The following NRXN3 variants were observed in gnomAD, a reference collection of about 807,000 sequenced individuals.
NRXN3 encodes the protein neurexin 3.
NRXN3 carries 32 observed loss-of-function variants against 137.6 expected under a neutral mutation model. The observed-to-expected ratio is 0.23, with a 90% CI of 0.18 to 0.31. The LOEUF (loss-of-function observed/expected upper bound fraction) is 0.31. NRXN3 is among the 10% of genes least tolerant of loss of function. NRXN3 has a pLI of 1.00. For synonymous variants in NRXN3, 798 were observed against 784.5 expected (o/e 1.02, Z -0.29); for missense variants, 1,574 against 2,062.5 (o/e 0.76, Z 4.59).
At chr14:78,831,553 A>C (rs2098982259) in intron 10 of NRXN3, among the ~76,000 whole-genome samples, 1 of 151,018 alleles carries the variant, frequency 6.6e-6, no homozygotes, top group Non-Finnish European at 1.5e-5. Context: ...AAAAAAAAAA[A>C]AAAAAAAACA....
At chr14:78,646,860 A>G (rs556898865) in intron 5 of NRXN3, among the ~76,000 whole-genome samples, 1 of 152,356 alleles carries the variant, frequency 6.6e-6, no homozygotes, top group South Asian at 2.1e-4. Flanking sequence ...CTCAACTGTC[A>G]AGAGAACCCA....
intron 15 of NRXN3, among the ~76,000 whole-genome samples, chr14:79,089,782 T>G (rs1184649303): frequency 3.3e-5 from 5 of 152,134 alleles, no homozygotes; most frequent in African/African-American, 1.2e-4. Context: ...TTCTGCACAT[T>G]TTTGGCATCA....
chr14:78,688,178 T>G (rs1336543761), intron 6 of NRXN3, among the ~76,000 whole-genome samples: 2 of 152,174 alleles, frequency 1.3e-5, no homozygotes, highest in Non-Finnish European at 2.9e-5. Context: ...GACTTATAGG[T>G]ACCTGTTGAG....
chr14:78,628,543 A>G (rs189739537), intron 4 of NRXN3, among the ~76,000 whole-genome samples: 1 of 152,340 alleles, frequency 6.6e-6, no homozygotes, highest in East Asian at 1.9e-4. Context: ...GAATAAAATT[A>G]TTGAGTGAGT....
At chr14:79,732,850 A>C (rs926870967) in intron 19 of NRXN3, among the ~76,000 whole-genome samples, 1 of 152,184 alleles carries the variant, frequency 6.6e-6, no homozygotes, top group Non-Finnish European at 1.5e-5. Flanking sequence ...GTTTGAACCC[A>C]TATACTCTTA....
intron 4 of NRXN3, among the ~76,000 whole-genome samples, chr14:78,386,196 A>T (rs2089959933): frequency 6.6e-6 from 1 of 152,084 alleles, no homozygotes; most frequent in Admixed American, 6.5e-5. Context: ...ATTATATTTG[A>T]TTTTCAGAGT....
intron 10 of NRXN3, among the ~76,000 whole-genome samples, chr14:78,915,086 A>C (rs927848368): frequency 2.6e-5 from 4 of 152,060 alleles, no homozygotes; most frequent in African/African-American, 9.7e-5. Context: ...TCAGAAAGAG[A>C]TGTTTTTGCC....
intron 8 of NRXN3, among the ~76,000 whole-genome samples, chr14:78,800,527 T>C (rs2098835554): frequency 6.6e-6 from 1 of 152,236 alleles, no homozygotes. Context: ...ATATGTCTTA[T>C]TGTAACGGTG....
At chr14:79,688,481 G>A (rs2098703955) in intron 17 of NRXN3, among the ~76,000 whole-genome samples, 1 of 152,120 alleles carries the variant, frequency 6.6e-6, no homozygotes, top group Non-Finnish European at 1.5e-5. Context: ...TGTTATACAA[G>A]AGTTCTATTT....
intron 15 of NRXN3, among the ~76,000 whole-genome samples, chr14:79,322,135 G>A (rs555979934): frequency 6.6e-6 from 1 of 152,236 alleles, no homozygotes; most frequent in South Asian, 2.1e-4. Flanking sequence ...GCAATATTAC[G>A]TGACATCACC....
intron 6 of NRXN3, among the ~76,000 whole-genome samples, chr14:78,687,571 C>T (rs2098135012): frequency 6.6e-6 from 1 of 152,308 alleles, no homozygotes; most frequent in Non-Finnish European, 1.5e-5. Flanking sequence ...TCCAAAATCT[C>T]AGAGGCTTAA....
chr14:78,864,054 A>G (rs1185881545), intron 10 of NRXN3, among the ~76,000 whole-genome samples: 1 of 152,166 alleles, frequency 6.6e-6, no homozygotes, highest in Non-Finnish European at 1.5e-5. Flanking sequence ...CTTACTGTAC[A>G]TCTCCAGCTT....
intron 1 of NRXN3, among the ~76,000 whole-genome samples, chr14:78,176,638 G>A (rs977849989): frequency 6.6e-6 from 1 of 152,152 alleles, no homozygotes; most frequent in Non-Finnish European, 1.5e-5. Flanking sequence ...TGGAGGCCCA[G>A]AGAGACTACA....
intron 4 of NRXN3, among the ~76,000 whole-genome samples, chr14:78,554,891 C>T (rs1017228330): frequency 6.6e-6 from 1 of 152,148 alleles, no homozygotes; most frequent in Non-Finnish European, 1.5e-5. Context: ...TCTAAATCCT[C>T]TGTCCTAGCC....
chr14:78,548,347 G>A (rs555805278), intron 4 of NRXN3, among the ~76,000 whole-genome samples: 1 of 152,196 alleles, frequency 6.6e-6, no homozygotes, highest in South Asian at 2.1e-4. Flanking sequence ...AGAGAAGGTG[G>A]CTTTGAGCTA....
chr14:78,716,672 C>A (rs2098435546), intron 8 of NRXN3, among the ~76,000 whole-genome samples: 3 of 152,122 alleles, frequency 2.0e-5, no homozygotes, highest in Admixed American at 2.0e-4. Context: ...GGCTGAATGA[C>A]CAGTTTTCAA....
chr14:78,809,197 T>C (rs1322133448), intron 9 of NRXN3, among the ~76,000 whole-genome samples: 1 of 152,180 alleles, frequency 6.6e-6, no homozygotes, highest in Non-Finnish European at 1.5e-5. Flanking sequence ...GATATGCTGA[T>C]CTCTGGCACA....
chr14:79,690,223 C>CGTTTACAT (rs1218070242), intron 17 of NRXN3, among the ~76,000 whole-genome samples: 1 of 152,062 alleles, frequency 6.6e-6, no homozygotes, highest in African/African-American at 2.4e-5. Flanking sequence ...AAAAGGTACA[C>CGTTTACAT]GTTCTTTTTC....
intron 4 of NRXN3, among the ~76,000 whole-genome samples, chr14:78,569,178 A>G (rs974398328): frequency 6.6e-6 from 1 of 151,722 alleles, no homozygotes; most frequent in Non-Finnish European, 1.5e-5. Flanking sequence ...CGTGTTAGCC[A>G]GGATGGTCTC....
Sources: allele counts gnomAD v4.1 joint callset (sites outside exome capture counted in the v4.1 genomes callset), GRCh38; gene constraint gnomAD v4.1.1; transcripts MANE v1.5; gene names NCBI Gene and HGNC (gene_info 2026-07-23, HGNC 2026-07-21).